Variants in KDM2A observed in about 807,000 individuals in gnomAD.
KDM2A encodes lysine-specific demethylase 2A.
KDM2A carries 3 observed loss-of-function variants against 137.3 expected under a neutral mutation model. The ratio of observed to expected loss-of-function variants is 0.02; its 90% CI spans 0.01 to 0.06. The LOEUF is 0.06. Among genes scored for constraint, KDM2A ranks in the 10% least tolerant of loss-of-function variants. The probability of loss-of-function intolerance (pLI) is 1.00; values close to 1 mark genes in which losing one functional copy is unlikely to be tolerated. For synonymous variants in KDM2A, 512 were observed against 541.5 expected (o/e 0.95, Z 0.76); for missense variants, 738 against 1,510.6 (o/e 0.49, Z 8.48).
chr11:67,196,454 A>G (rs1475883222), intron 5 of KDM2A: 1 of 456,132 alleles, frequency 2.2e-6, no homozygotes, highest in Non-Finnish European at 4.4e-6. Flanking sequence ...GATAATTCAT[A>G]GTAGCTAAAA....
In KDM2A at chr11:67,255,792, C is replaced by T; in HGVS notation, c.*737C>T. The T allele has an allele frequency of 3.2e-6, 1 of 314,506 alleles. No homozygotes were observed. The highest frequency in any genetic ancestry group is 6.4e-6 in the Non-Finnish European group (1 of 156,910). 19.5% of individuals were successfully genotyped at this position (314,506 alleles called of 1,614,324 possible). On this transcript the variant is annotated 3_prime_UTR_variant, in exon 21 of 21. Coordinates refer to ENST00000529006, the MANE Select transcript of KDM2A (RefSeq NM_012308.3). ...TTCAGAGGAGCTGGAACTGTCTACC[C>T]CAGGGACACACCCATTTCGTTGCTA...
At chr11:67,238,786 C>G (rs1858941927) in intron 12 of KDM2A, among the ~76,000 whole-genome samples, 1 of 152,180 alleles carries the variant, frequency 6.6e-6, no homozygotes, top group African/African-American at 2.4e-5. Flanking sequence ...TTGTAAGGGT[C>G]TAAAAGTCAC....
At chr11:67,210,328 TTCTAC>T (rs1391485892) in intron 6 of KDM2A, among the ~76,000 whole-genome samples, 1 of 151,964 alleles carries the variant, frequency 6.6e-6, no homozygotes, top group Admixed American at 6.6e-5. Flanking sequence ...AAGACCTTGT[TTCTAC>T]TTTTGAAAAA....
At chr11:67,186,734 A>G (rs756052829) in intron 5 of KDM2A, among the ~76,000 whole-genome samples, 2 of 152,178 alleles carry the variant, frequency 1.3e-5, no homozygotes, top group Non-Finnish European at 2.9e-5. Context: ...GTAGCCCCAC[A>G]TTTTATTTTG....
chr11:67,153,065 A>G (rs1856432662), intron 2 of KDM2A, among the ~76,000 whole-genome samples: 1 of 151,836 alleles, frequency 6.6e-6, no homozygotes, highest in Non-Finnish European at 1.5e-5. Context: ...GCTCACTGCA[A>G]CGTCTGCCTC....
intron 12 of KDM2A, among the ~76,000 whole-genome samples, chr11:67,241,788 G>T (rs772201786): frequency 6.6e-6 from 1 of 152,196 alleles, no homozygotes; most frequent in East Asian, 1.9e-4. Flanking sequence ...AAAAGATTTG[G>T]CCAGGTGCAG....
chr11:67,253,671 A>T (rs1008944282), intron 19 of KDM2A, 60 bp downstream of exon 19: 23 of 1,564,194 alleles, frequency 1.5e-5, no homozygotes, highest in Non-Finnish European at 1.7e-5. Context: ...TTCCAAACAG[A>T]CCTCGTCTTC....
At chr11:67,192,009 T>C (rs944563062) in intron 5 of KDM2A, among the ~76,000 whole-genome samples, 1 of 152,214 alleles carries the variant, frequency 6.6e-6, no homozygotes, top group African/African-American at 2.4e-5. Context: ...ATTTCAAATA[T>C]ACATAAAATT....
intron 2 of KDM2A, among the ~76,000 whole-genome samples, chr11:67,160,316 G>C (rs1856606190): frequency 6.6e-6 from 1 of 152,174 alleles, no homozygotes; most frequent in Non-Finnish European, 1.5e-5. Flanking sequence ...CCAGATGCTG[G>C]CCTGCCTTTG....
intron 5 of KDM2A, among the ~76,000 whole-genome samples, chr11:67,199,921 T>A (rs980061846): frequency 2.0e-5 from 3 of 152,184 alleles, no homozygotes; most frequent in African/African-American, 4.8e-5. Flanking sequence ...TAGGGGCTAA[T>A]GCAGCTGGTG....
At chr11:67,213,755 CAAAAA>C (rs71056186) in intron 6 of KDM2A, among the ~76,000 whole-genome samples, 1 of 77,192 alleles carries the variant, frequency 1.3e-5, no homozygotes, top group Non-Finnish European at 3.2e-5. Flanking sequence ...CAGACCGTCT[CAAAAA>C]AAAAAAAAAA....
intron 2 of KDM2A, among the ~76,000 whole-genome samples, chr11:67,163,426 A>G (rs578093726): frequency 4.5e-4 from 69 of 152,204 alleles, no homozygotes; most frequent in Non-Finnish European, 7.8e-4. Context: ...GGAAAATTCT[A>G]TGACTTGGAA....
intron 12 of KDM2A, among the ~76,000 whole-genome samples, chr11:67,238,563 G>A (rs895380365): frequency 6.6e-6 from 1 of 152,098 alleles, no homozygotes; most frequent in Non-Finnish European, 1.5e-5. Context: ...GAGAAGCTCA[G>A]CCGAGAGCAC....
chr11:67,131,818 ATTCT>A (rs1237883949), intron 2 of KDM2A: 4 of 152,206 alleles, frequency 2.6e-5, no homozygotes, highest in Non-Finnish European at 5.9e-5. Flanking sequence ...AAGATGGCAC[ATTCT>A]TTCTTTTCAT....
chr11:67,163,413 C>CCAAAAGGTA (rs1856676434), intron 2 of KDM2A, among the ~76,000 whole-genome samples: 1 of 152,092 alleles, frequency 6.6e-6, no homozygotes. Context: ...AAGGTATGGA[C>CCAAAAGGTA]TTGGAAAATT....
chr11:67,197,423 C>T (rs887140733), intron 5 of KDM2A, among the ~76,000 whole-genome samples: 4 of 152,148 alleles, frequency 2.6e-5, no homozygotes, highest in African/African-American at 9.6e-5. Flanking sequence ...GCAGTCAGCC[C>T]GCCTCGGCCC....
intron 2 of KDM2A, among the ~76,000 whole-genome samples, chr11:67,165,772 A>C (rs1856727148): frequency 1.3e-5 from 2 of 152,128 alleles, no homozygotes; most frequent in Admixed American, 1.3e-4. Context: ...AAAGATCTAG[A>C]GTTAGTGTTT....
chr11:67,187,639 G>T (rs1857240505), intron 5 of KDM2A, among the ~76,000 whole-genome samples: 1 of 151,638 alleles, frequency 6.6e-6, no homozygotes, highest in South Asian at 2.1e-4. Context: ...CAGTGGTGCA[G>T]TCTCGACTCA....
intron 2 of KDM2A, among the ~76,000 whole-genome samples, chr11:67,152,960 G>A (rs1414712097): frequency 7.0e-6 from 1 of 143,168 alleles, no homozygotes; most frequent in African/African-American, 2.6e-5. Flanking sequence ...GTGTTTTCAG[G>A]AATTCCTCTT....
Sources: gnomAD v4.1 joint callset for allele counts (sites outside exome capture counted in the v4.1 genomes callset) on GRCh38, gnomAD v4.1.1 for gene constraint, MANE v1.5 for transcripts, NCBI Gene and HGNC (gene_info 2026-07-23, HGNC 2026-07-21) for gene names.